RAP1A: variants seen among roughly 807,000 people sequenced by gnomAD.
RAP1A encodes RAP1A, member of RAS oncogene family, also known as ras-related protein Rap-1A.
A neutral mutation model predicts 26.4 loss-of-function variants in RAP1A; 6 were observed. That is an observed-to-expected ratio of 0.23 (90% CI 0.12 to 0.45). The LOEUF is 0.45. Ranked by LOEUF, RAP1A falls within the 20% of genes least tolerant of loss-of-function variation. The pLI, the probability that RAP1A is intolerant of heterozygous loss-of-function variation, is 0.99. For missense variants in RAP1A, 121 were observed against 217.2 expected (o/e 0.56, Z 2.78); for synonymous variants, 73 against 79.4 (o/e 0.92, Z 0.43).
At chr1:111,562,127 A>T (rs955150297) in intron 1 of RAP1A, among the ~76,000 whole-genome samples, 1 of 151,990 alleles carries the variant, frequency 6.6e-6, no homozygotes, top group African/African-American at 2.4e-5. Context: ...TTTCTTTTCT[A>T]TGAGATGGTC....
chr1:111,713,394 T>G lies in RAP1A; in HGVS notation c.*993T>G, dbSNP rs546725476. The G allele has an allele frequency of 6.6e-6, 1 of 152,326 alleles. No individual in the cohort carries two copies. The highest frequency in any genetic ancestry group is 1.9e-4 in the East Asian group (1 of 5,192). The allele number at this position is 152,326 out of a possible 1,614,324, so 9.4% of individuals were successfully genotyped here. ...GATTGTATCTTATTGAATATCCCACTGTATATTATTTTTATATGTAAAAAG... is the reference window on the plus strand; with the variant it reads ...GATTGTATCTTATTGAATATCCCACGGTATATTATTTTTATATGTAAAAAG... On this transcript the variant is annotated 3_prime_UTR_variant, in exon 8 of 8. Transcript: ENST00000369709.
Position 111,568,504 on chromosome 1 carries a change from A to T in RAP1A, c.-28+25995A>T, listed in dbSNP as rs137955764. ...CACCCCCATGATCCAATCACTTCCC[A>T]CCAGGCCCCACCTCCAACACTGGGA... On this transcript the variant is annotated intron_variant, in intron 1 of 7. Coordinates refer to the RAP1A transcript ENST00000356415. Among the ~76,000 whole-genome samples the T allele has an allele frequency of 4.9e-3, 750 of 152,270 alleles. 4 individuals are homozygous for T. The highest frequency in any genetic ancestry group is 0.017 in the African/African-American group (699 of 41,546).
At chr1:111,667,184 T>C (rs1362773241) in intron 1 of RAP1A, among the ~76,000 whole-genome samples, 1 of 152,306 alleles carries the variant, frequency 6.6e-6, no homozygotes, top group Non-Finnish European at 1.5e-5. Flanking sequence ...ACAGATTCTT[T>C]GCCTGGAGGG....
chr1:111,683,158 C>T (rs1468619489), intron 1 of RAP1A, among the ~76,000 whole-genome samples: 1 of 152,186 alleles, frequency 6.6e-6, no homozygotes. Context: ...CTCTGGGACA[C>T]AGCTAAAGCA....
intron 1 of RAP1A, among the ~76,000 whole-genome samples, chr1:111,687,572 T>C (rs907847078): frequency 1.3e-5 from 2 of 152,208 alleles, no homozygotes; most frequent in African/African-American, 4.8e-5. Context: ...CTTTAACATA[T>C]GAGAATTTAC....
chr1:111,557,400 A>G (rs968045710), intron 1 of RAP1A, among the ~76,000 whole-genome samples: 5 of 151,992 alleles, frequency 3.3e-5, no homozygotes, highest in East Asian at 1.9e-4. Flanking sequence ...TACAAAAACA[A>G]TTAGCTGAGC....
intron 1 of RAP1A, among the ~76,000 whole-genome samples, chr1:111,652,696 T>C (rs1660312639): frequency 2.0e-5 from 3 of 151,928 alleles, no homozygotes; most frequent in Non-Finnish European, 4.4e-5. Flanking sequence ...AAGGCTGTAA[T>C]TTAGGGGAAA....
intron 1 of RAP1A, among the ~76,000 whole-genome samples, chr1:111,557,496 G>A (rs1441225388): frequency 4.6e-5 from 7 of 150,676 alleles, no homozygotes; most frequent in African/African-American, 2.4e-5. Context: ...GTTGCAGTGA[G>A]CCGAGATCAC....
intron 1 of RAP1A, among the ~76,000 whole-genome samples, chr1:111,660,554 T>C (rs1396087898): frequency 6.6e-6 from 1 of 152,228 alleles, no homozygotes; most frequent in Non-Finnish European, 1.5e-5. Flanking sequence ...CCTGCACTGC[T>C]ACTCCTTTGG....
chr1:111,592,458 T>C (rs1232517359), intron 1 of RAP1A, among the ~76,000 whole-genome samples: 1 of 152,194 alleles, frequency 6.6e-6, no homozygotes, highest in Non-Finnish European at 1.5e-5. Context: ...ACATGTATAT[T>C]GGGGAGCAGG....
intron 1 of RAP1A, chr1:111,649,212 A>G: frequency 2.0e-6 from 1 of 496,096 alleles, no homozygotes; most frequent in Non-Finnish European, 3.9e-6. Context: ...CCAGTCCCTG[A>G]GCTGGGGTCC....
intron 1 of RAP1A, among the ~76,000 whole-genome samples, chr1:111,569,359 A>G (rs1335498188): frequency 6.9e-6 from 1 of 145,692 alleles, no homozygotes; most frequent in East Asian, 2.0e-4. Context: ...AGATCGCACC[A>G]TTGCACTCCA....
chr1:111,672,355 C>G (rs959639018), intron 1 of RAP1A, among the ~76,000 whole-genome samples: 4 of 151,944 alleles, frequency 2.6e-5, no homozygotes, highest in African/African-American at 9.7e-5. Context: ...TTGATCTGTT[C>G]TTTGTTTCTT....
At chr1:111,634,864 C>T (rs1440647972) in intron 1 of RAP1A, among the ~76,000 whole-genome samples, 5 of 151,990 alleles carry the variant, frequency 3.3e-5, no homozygotes, top group South Asian at 2.1e-4. Context: ...AGGATGGTCT[C>T]GATCTGCTGA....
intron 1 of RAP1A, among the ~76,000 whole-genome samples, chr1:111,647,177 C>G (rs1011701017): frequency 1.7e-4 from 26 of 149,740 alleles, no homozygotes; most frequent in African/African-American, 3.3e-4. Flanking sequence ...GCATTAGATT[C>G]TCATAGGAGT....
chr1:111,670,017 G>A (rs778749754), intron 1 of RAP1A, among the ~76,000 whole-genome samples: 22 of 152,194 alleles, frequency 1.4e-4, no homozygotes, highest in Middle Eastern at 6.8e-3. Flanking sequence ...AACTATTAAA[G>A]CTAAAATATC....
intron 1 of RAP1A, among the ~76,000 whole-genome samples, chr1:111,559,947 G>A (rs1417238424): frequency 6.6e-6 from 1 of 152,164 alleles, no homozygotes; most frequent in Non-Finnish European, 1.5e-5. Context: ...GTAGGATTTA[G>A]CACTTATCAG....
intron 1 of RAP1A, among the ~76,000 whole-genome samples, chr1:111,622,132 A>G (rs1659229926): frequency 6.6e-6 from 1 of 152,162 alleles, no homozygotes; most frequent in Non-Finnish European, 1.5e-5. Context: ...AAGATTATTA[A>G]TCTCCTAATT....
At chr1:111,684,581 TG>T (rs1308754089) in intron 1 of RAP1A, among the ~76,000 whole-genome samples, 1 of 152,156 alleles carries the variant, frequency 6.6e-6, no homozygotes, top group African/African-American at 2.4e-5. Context: ...ACAAGGGATG[TG>T]AAGGACCTCT....
Sources: allele counts gnomAD v4.1 joint callset (sites outside exome capture counted in the v4.1 genomes callset), GRCh38; gene constraint gnomAD v4.1.1; transcripts MANE v1.5; gene names NCBI Gene and HGNC (gene_info 2026-07-23, HGNC 2026-07-21).